RYR3: variants seen among roughly 807,000 people sequenced by gnomAD.
The protein encoded by RYR3 is brain ryanodine receptor-calcium release channel.
A neutral mutation model predicts 584.3 loss-of-function variants in RYR3; 207 were observed. The observed-to-expected ratio is 0.35, with a 90% CI of 0.32 to 0.40. The LOEUF is 0.40. RYR3 is among the 10% of genes least tolerant of loss of function. RYR3 has a pLI of 1.00. For synonymous variants in RYR3, 2,416 were observed against 2,248.5 expected, an observed-to-expected ratio of 1.07 and a Z score of -2.11; for missense variants, 5,616 against 6,089.2, an observed-to-expected ratio of 0.92 and a Z score of 2.59.
chr15:33,842,151 A>T (rs2078411281), intron 91 of RYR3, 116 bp downstream of exon 91: 3 of 1,125,366 alleles, frequency 2.7e-6, no homozygotes, highest in Non-Finnish European at 3.8e-6. Context: ...CCCCTTTCTC[A>T]TTCCTAAACT....
Position 33,662,277 on chromosome 15 carries a change from C to G in RYR3, c.4747C>G (p.His1583Asp), listed in dbSNP as rs1354140006. The G allele has an allele frequency of 6.2e-7, 1 of 1,610,864 alleles. No individual in the cohort carries two copies. The highest frequency in any genetic ancestry group is 2.2e-5 in the East Asian group (1 of 44,798). ...NSRVAYALCS[H>D]VDLSQLFYAI... ...CCGCGTGGCCTACGCCCTGTGCAGC[C>G]ACGTGGACCTCTCCCAGCTCTTCTA... Residue 1583 changes from histidine to aspartate, a missense_variant, in exon 35 of 104, where the codon CAC (histidine) becomes GAC (aspartate). Around this residue, in one of 9 missense-constraint regions of RYR3, gnomAD observed 753 missense variants for 741.0 expected, o/e 1.02. Transcript: ENST00000634891.
At chr15:33,852,328 A>C (rs1347625146) in intron 94 of RYR3, 1 of 152,176 alleles carries the variant, frequency 6.6e-6, no homozygotes, top group African/African-American at 2.4e-5. Context: ...TGAAGATGAC[A>C]GTTCTTTCTT....
At chr15:33,554,678 A>G (rs983998432) in intron 10 of RYR3, among the ~76,000 whole-genome samples, 1 of 152,136 alleles carries the variant, frequency 6.6e-6, no homozygotes, top group African/African-American at 2.4e-5. Flanking sequence ...TACACACCCA[A>G]TGAGAGAGAT....
chr15:33,658,872 G>C (rs2062977236), intron 32 of RYR3, among the ~76,000 whole-genome samples: 1 of 152,214 alleles, frequency 6.6e-6, no homozygotes, highest in Non-Finnish European at 1.5e-5. Flanking sequence ...AGAAGAACTG[G>C]AATGCTGAAG....
chr15:33,425,799 A>T (rs371730345), intron 1 of RYR3, among the ~76,000 whole-genome samples: 11 of 151,338 alleles, frequency 7.3e-5, no homozygotes, highest in African/African-American at 2.7e-4. Flanking sequence ...CCGCCACCAC[A>T]CCCGGCTAAT....
At chr15:33,710,554 C>A (rs1273583028) in intron 43 of RYR3, among the ~76,000 whole-genome samples, 2 of 152,008 alleles carry the variant, frequency 1.3e-5, no homozygotes, top group Admixed American at 6.5e-5. Context: ...AGGCAGTACC[C>A]CAGGAGGGAC....
At chr15:33,836,712 T>G (rs1224975126) in intron 87 of RYR3, among the ~76,000 whole-genome samples, 194 bp from the exon 88 acceptor site, 1 of 152,170 alleles carries the variant, frequency 6.6e-6, no homozygotes, top group Non-Finnish European at 1.5e-5. Flanking sequence ...GTTGGATGAG[T>G]CCTGCTACAG....
In RYR3 at chr15:33,777,554, A is replaced by G. The variant is rs2074076545; in HGVS notation, c.9138-2657A>G. Among the ~76,000 whole-genome samples the G allele has an allele frequency of 2.0e-5, 3 of 152,106 alleles. No homozygotes were observed. The South Asian group carries it at 6.2e-4, about 31-fold the overall frequency. On this transcript the variant is annotated intron_variant, in intron 64 of 103. Coordinates refer to ENST00000634891, the MANE Select transcript of RYR3 (RefSeq NM_001036.6). Reference sequence around the variant, plus strand: ...GTTTATTTCTTATAAGAAGCTACTTAGCACCAATGTGCACCCCAGAGTAGA... The same window carrying G: ...GTTTATTTCTTATAAGAAGCTACTTGGCACCAATGTGCACCCCAGAGTAGA...
At chr15:33,364,233 C>T (rs779100539) in intron 1 of RYR3, among the ~76,000 whole-genome samples, 1 of 151,666 alleles carries the variant, frequency 6.6e-6, no homozygotes, top group Non-Finnish European at 1.5e-5. Flanking sequence ...TACATAGGTG[C>T]CTCATTGTAT....
Position 33,315,665 on chromosome 15 carries a change from A to G in RYR3, c.51+4569A>G, listed in dbSNP as rs140705170. On this transcript the variant is annotated intron_variant, in intron 1 of 103. Transcript: ENST00000634891. Reference sequence around the variant, plus strand: ...CCATATCAGCCGAGCTGGACACACAATATCCCCTCCTTTCCAGGGAAACGT... The same window carrying G: ...CCATATCAGCCGAGCTGGACACACAGTATCCCCTCCTTTCCAGGGAAACGT... Among the ~76,000 whole-genome samples the G allele has an allele frequency of 6.3e-3, 964 of 152,328 alleles. 15 individuals are homozygous for G. The highest frequency in any genetic ancestry group is 0.022 in the African/African-American group (915 of 41,572).
intron 1 of RYR3, among the ~76,000 whole-genome samples, chr15:33,464,030 G>A (rs1250441779): frequency 6.6e-6 from 1 of 152,098 alleles, no homozygotes; most frequent in Admixed American, 6.6e-5. Flanking sequence ...CAGTGACTCC[G>A]TAAGTGCCTA....
Position 33,368,647 on chromosome 15 carries a change from G to A in RYR3, c.51+57551G>A, listed in dbSNP as rs532387810. Reference sequence around the variant, plus strand: ...ATAAAATGCTTGTACCTTTCTGGGTGAGGCAGCTGGTTCCCAGAAAAAGTG... The same window carrying A: ...ATAAAATGCTTGTACCTTTCTGGGTAAGGCAGCTGGTTCCCAGAAAAAGTG... On this transcript the variant is annotated intron_variant, in intron 1 of 103. Transcript: ENST00000634891. 2.0e-5 allele frequency among the ~76,000 whole-genome samples: 3 copies of A among 152,246 alleles called. No homozygotes were observed. The South Asian group carries it at 6.2e-4, about 32-fold the overall frequency.
At chr15:33,335,159 T>A (rs1315023514) in intron 1 of RYR3, among the ~76,000 whole-genome samples, 1 of 152,178 alleles carries the variant, frequency 6.6e-6, no homozygotes, top group Non-Finnish European at 1.5e-5. Flanking sequence ...ACCATTCAAC[T>A]CAGCAATCCC....
intron 38 of RYR3, among the ~76,000 whole-genome samples, chr15:33,694,053 A>C (rs145866614): frequency 1.3e-5 from 2 of 152,298 alleles, no homozygotes; most frequent in East Asian, 1.9e-4. Context: ...AGTTTTGTCA[A>C]GGACCAGCAG....
At chr15:33,556,802 T>G (rs1354662401) in intron 10 of RYR3, among the ~76,000 whole-genome samples, 1 of 152,150 alleles carries the variant, frequency 6.6e-6, no homozygotes, top group Non-Finnish European at 1.5e-5. Flanking sequence ...TGCACTCACA[T>G]CAGGTAGAAA....
chr15:33,507,133 G>C (rs1425491699), intron 3 of RYR3, among the ~76,000 whole-genome samples: 1 of 152,168 alleles, frequency 6.6e-6, no homozygotes, highest in Non-Finnish European at 1.5e-5. Flanking sequence ...GTTCACTGCT[G>C]TGTAGCTACT....
chr15:33,682,583 T>C (rs2064705784), intron 38 of RYR3, among the ~76,000 whole-genome samples: 1 of 152,244 alleles, frequency 6.6e-6, no homozygotes, highest in Non-Finnish European at 1.5e-5. Context: ...AAGCCATTTA[T>C]AATTATCAAG....
chr15:33,479,921 A>G (rs1372045350), intron 2 of RYR3, among the ~76,000 whole-genome samples: 1 of 152,218 alleles, frequency 6.6e-6, no homozygotes, highest in Non-Finnish European at 1.5e-5. Context: ...GTGAGCCATA[A>G]AGCAGTGTTA....
rs2077950086 is a variant in RYR3, at chr15:33,835,050, A to G, written c.11546A>G (p.Asn3849Ser). 1 of 1,613,628 alleles carries G rather than the reference A, an allele frequency of 6.2e-7. No individual in the cohort carries two copies. Among genetic ancestry groups the G allele is most frequent in the South Asian group, 1.1e-5 (1 of 91,070 alleles). ...GTTGGCTTCCTCCATGTCTTTGCTAATATGCAGATGAAACTCTCTCAGGTA... is the reference window on the plus strand; with the variant it reads ...GTTGGCTTCCTCCATGTCTTTGCTAGTATGCAGATGAAACTCTCTCAGGTA... ...AVVGFLHVFANMQMKLSQDSS... is the reference protein window; with the variant it reads ...AVVGFLHVFASMQMKLSQDSS... The change falls in exon 87 of 104, where the codon AAT becomes AGT. Residue 3849 changes from asparagine to serine, a missense_variant. Around this residue, in one of 9 missense-constraint regions of RYR3, gnomAD observed 954 missense variants for 1,132.2 expected, o/e 0.84. Transcript: ENST00000634891.
Sources: gnomAD v4.1 joint callset for allele counts (sites outside exome capture counted in the v4.1 genomes callset) on GRCh38, gnomAD v4.1.1 for gene constraint, gnomAD v4.1.1 regional missense constraint, MANE v1.5 for transcripts, NCBI Gene and HGNC (gene_info 2026-07-23, HGNC 2026-07-21) for gene names.